The following SLC35F4 variants were observed in gnomAD, a reference collection of about 807,000 sequenced individuals.
The protein encoded by SLC35F4 is chromosome 14 open reading frame 36.
In SLC35F4, 24 loss-of-function variants were observed where a neutral mutation model predicts 44.2. That is an observed-to-expected ratio of 0.54 (90% CI 0.39 to 0.76). The LOEUF (loss-of-function observed/expected upper bound fraction) is 0.76. SLC35F4 is among the 30% of genes least tolerant of loss of function. The pLI, the probability that SLC35F4 is intolerant of heterozygous loss-of-function variation, is 0.00. For missense variants in SLC35F4, 562 were observed against 586.1 expected, an observed-to-expected ratio of 0.96 and a Z score of 0.42; for synonymous variants, 238 against 223.6, an observed-to-expected ratio of 1.06 and a Z score of -0.57.
intron 1 of SLC35F4, among the ~76,000 whole-genome samples, chr14:57,791,766 G>A (rs1330395331): frequency 2.6e-5 from 4 of 152,062 alleles, no homozygotes; most frequent in African/African-American, 7.2e-5. Context: ...CATATACACC[G>A]TAGAATACTA....
intron 1 of SLC35F4, among the ~76,000 whole-genome samples, chr14:57,981,691 G>A (rs571344404): frequency 1.5e-4 from 23 of 152,134 alleles, no homozygotes; most frequent in African/African-American, 4.8e-4. Flanking sequence ...TTCCCAATTT[G>A]CAGATTCCTA....
At chr14:57,679,095 T>G (rs1379995168) in intron 1 of SLC35F4, among the ~76,000 whole-genome samples, 1 of 151,744 alleles carries the variant, frequency 6.6e-6, no homozygotes, top group Non-Finnish European at 1.5e-5. Flanking sequence ...CACATCACAC[T>G]TATTCTAAAA....
At chr14:57,982,476 G>A (rs1305695298), upstream of SLC35F4, among the ~76,000 whole-genome samples, 2 of 152,160 alleles carry the variant, frequency 1.3e-5, no homozygotes, top group South Asian at 4.2e-4. Context: ...TTGTGTTGAG[G>A]AAGGGTTGTT....
At chr14:57,908,541 T>C (rs761222635) in intron 1 of SLC35F4, among the ~76,000 whole-genome samples, 10 of 152,242 alleles carry the variant, frequency 6.6e-5, no homozygotes, top group Admixed American at 6.5e-4. Flanking sequence ...TGATCAATAA[T>C]GTTGAGCTTT....
chr14:57,853,573 C>A (rs1458355420), intron 1 of SLC35F4, among the ~76,000 whole-genome samples: 1 of 152,050 alleles, frequency 6.6e-6, no homozygotes, highest in African/African-American at 2.4e-5. Flanking sequence ...ATAAATTGGG[C>A]CAAAATGTCT....
chr14:57,846,026 G>C lies in SLC35F4; in HGVS notation c.103+19697C>G, dbSNP rs770070008. ...TATTAAATACTGCACAAGGCACTGA[G>C]AGGGAATTAACATCTGGAATGGCCT... On this transcript the variant is annotated intron_variant, in intron 1 of 7. Coordinates refer to ENST00000556826, the MANE Select transcript of SLC35F4 (RefSeq NM_001306087.2). 2.6e-5 allele frequency among the ~76,000 whole-genome samples: 4 copies of C among 152,270 alleles called. No individual in the cohort carries two copies. In the South Asian group the frequency reaches 6.2e-4, roughly 24 times the overall value.
intron 1 of SLC35F4, among the ~76,000 whole-genome samples, chr14:57,958,056 G>GA (rs937008656): frequency 2.0e-5 from 3 of 149,822 alleles, no homozygotes; most frequent in African/African-American, 7.5e-5. Context: ...TTAATTAGAT[G>GA]AAATTTTTTT....
chr14:57,764,581 G>A (rs1326293365), intron 1 of SLC35F4, among the ~76,000 whole-genome samples: 1 of 152,180 alleles, frequency 6.6e-6, no homozygotes, highest in Non-Finnish European at 1.5e-5. Flanking sequence ...AAGTAACACT[G>A]GCTGCTACTA....
At position 57,897,447 on chromosome 14, in the gene SLC35F4, AT is replaced by A. The variant is rs757877350; in HGVS notation, n.282+84465del. ...AGGGCAAGTACACAAACCATCCTTTATGATAAAATTTTCCTTTGCAAGGAGA... is the reference window on the plus strand; with the variant it reads ...AGGGCAAGTACACAAACCATCCTTTAGATAAAATTTTCCTTTGCAAGGAGA... On this transcript the variant is annotated intron_variant and non_coding_transcript_variant, in intron 1 of 1. Transcript: ENST00000556568. Among the ~76,000 whole-genome samples, 35 of 152,060 alleles carry A rather than the reference AT, an allele frequency of 2.3e-4. 1 individual carries two copies. The highest frequency in any genetic ancestry group is 6.3e-4 in the South Asian group (3 of 4,800).
At chr14:57,979,271 G>T (rs896295531) in intron 1 of SLC35F4, among the ~76,000 whole-genome samples, 1 of 152,212 alleles carries the variant, frequency 6.6e-6, no homozygotes, top group South Asian at 2.1e-4. Flanking sequence ...CCTGAAGTTT[G>T]CAGATATTGT....
chr14:57,903,177 G>T (rs1282790955), intron 1 of SLC35F4, among the ~76,000 whole-genome samples: 1 of 152,144 alleles, frequency 6.6e-6, no homozygotes, highest in Non-Finnish European at 1.5e-5. Context: ...CCTTGGTTTT[G>T]TAGTAGGGAA....
chr14:57,589,293 G>A lies in SLC35F4; in HGVS notation c.510C>T (p.Asn170=). The change falls in exon 3 of 8, where the codon AAC becomes AAT. Residue 170 remains asparagine, a synonymous_variant. Coordinates refer to ENST00000556826, the MANE Select transcript of SLC35F4 (RefSeq NM_001306087.2). ...FFMTWFSTNW[N]IMFFPVYYSG... ...AATAATAGACTGGGAAAAACATAAT[G>A]TTCCAGTTTGTTGAAAACCAAGTCA... 6.2e-7 allele frequency: 1 copy of A among 1,613,974 alleles called. No homozygotes were observed.
chr14:57,662,932 A>G (rs2074186392), intron 1 of SLC35F4, among the ~76,000 whole-genome samples: 1 of 152,162 alleles, frequency 6.6e-6, no homozygotes, highest in African/African-American at 2.4e-5. Flanking sequence ...CCCCTGGACT[A>G]TGGTTGACAG....
chr14:57,939,749 A>G (rs915112585), intron 1 of SLC35F4, among the ~76,000 whole-genome samples: 15 of 152,230 alleles, frequency 9.9e-5, no homozygotes, highest in African/African-American at 3.6e-4. Flanking sequence ...GTTGGGTAGA[A>G]GGCCAGAAGT....
At chr14:57,687,920 TA>T (rs1241996410) in intron 1 of SLC35F4, among the ~76,000 whole-genome samples, 1 of 152,218 alleles carries the variant, frequency 6.6e-6, no homozygotes, top group African/African-American at 2.4e-5. Flanking sequence ...GCATTCAGGT[TA>T]AAATTGTGGT....
At chr14:57,689,696 T>C (rs1594801407) in intron 1 of SLC35F4, among the ~76,000 whole-genome samples, 1 of 143,004 alleles carries the variant, frequency 7.0e-6, no homozygotes, top group South Asian at 2.3e-4. Flanking sequence ...ATGAGAACAC[T>C]TGGACACAGG....
intron 1 of SLC35F4, among the ~76,000 whole-genome samples, chr14:57,663,802 A>T (rs1225018502): frequency 1.3e-5 from 2 of 152,160 alleles, no homozygotes. Flanking sequence ...TTTTTAGTCC[A>T]TGCCAAGAAA....
intron 1 of SLC35F4, among the ~76,000 whole-genome samples, chr14:57,806,036 A>G (rs946942105): frequency 1.3e-5 from 2 of 152,174 alleles, no homozygotes; most frequent in Admixed American, 1.3e-4. Flanking sequence ...TTCATATTGA[A>G]TATGCTCTAT....
intron 1 of SLC35F4, among the ~76,000 whole-genome samples, chr14:57,719,824 C>T (rs150130789): frequency 9.3e-4 from 141 of 151,870 alleles, no homozygotes; most frequent in African/African-American, 3.3e-3. Flanking sequence ...GTCTAATTGC[C>T]CTAGCTAGGA....
Sources: gnomAD v4.1 joint callset for allele counts (sites outside exome capture counted in the v4.1 genomes callset) on GRCh38, gnomAD v4.1.1 for gene constraint, MANE v1.5 for transcripts, NCBI Gene and HGNC (gene_info 2026-07-23, HGNC 2026-07-21) for gene names.